The following CFAP74 variants were observed in gnomAD, a reference collection of about 807,000 sequenced individuals.
CFAP74 encodes the protein cilia- and flagella-associated protein 74.
Under a neutral mutation model 188.9 loss-of-function variants are expected in CFAP74, and 124 were observed. The observed-to-expected ratio is 0.66, with a 90% confidence interval of 0.57 to 0.76. The LOEUF (loss-of-function observed/expected upper bound fraction) is 0.76. CFAP74 is among the 30% of genes least tolerant of loss of function. The pLI is 0.00. For missense variants in CFAP74, 2,198 were observed against 2,165.2 expected, an observed-to-expected ratio of 1.02 and a Z score of -0.30; for synonymous variants, 956 against 916.7, an observed-to-expected ratio of 1.04 and a Z score of -0.77.
chr1:1,978,207 C>T (rs775878328), intron 6 of CFAP74, among the ~76,000 whole-genome samples: 1 of 152,190 alleles, frequency 6.6e-6, no homozygotes, highest in Admixed American at 6.5e-5. Context: ...CATTATGGCT[C>T]CAGTGAGGAG....
Position 1,968,967 on chromosome 1 carries a change from ACAGCGCC to A in CFAP74, c.1047-141_1047-135del, listed in dbSNP as rs1655685886. The A allele has an allele frequency of 4.5e-6, 2 of 444,164 alleles. No individual in the cohort carries two copies. Among genetic ancestry groups the A allele is most frequent in the African/African-American group, 2.5e-5 (1 of 39,290 alleles). The allele number at this position is 444,164 out of a possible 1,614,324, so 27.5% of individuals were successfully genotyped here. ...GTCCTGCCCAGCAGCCCCAGGTGAG[ACAGCGCC>A]TGGCGGCCCCTCCCTAGCTCCCTCC... On this transcript the variant is annotated intron_variant, in intron 10 of 38. Coordinates refer to ENST00000682832, the MANE Select transcript of CFAP74 (RefSeq NM_001304360.2). The surrounding 1 kb of genome is among the most constrained non-coding windows in gnomAD (Gnocchi z 4.3).
intron 18 of CFAP74, chr1:1,954,464 T>A (rs1298374422): frequency 6.5e-6 from 1 of 153,826 alleles, no homozygotes; most frequent in African/African-American, 2.4e-5. Flanking sequence ...TTGGTGGGAG[T>A]GTAAACTTGC....
chr1:1,982,229 G>A (rs1406356280), intron 6 of CFAP74, among the ~76,000 whole-genome samples: 3 of 147,362 alleles, frequency 2.0e-5, no homozygotes, highest in African/African-American at 5.0e-5. Context: ...GCGGGGACAC[G>A]CAGGACACCC....
chr1:1,970,928 T>C (rs1389250671), intron 9 of CFAP74, 112 bp from the exon 10 acceptor site: 2 of 1,314,746 alleles, frequency 1.5e-6, no homozygotes, highest in African/African-American at 1.5e-5. Context: ...TGCACACACG[T>C]GCACACACAC....
At chr1:1,939,047 C>T (rs766576037) in intron 24 of CFAP74, 59 bp from the exon 25 acceptor site, 63 of 1,495,996 alleles carry the variant, frequency 4.2e-5, no homozygotes, top group African/African-American at 1.1e-4. Flanking sequence ...GACACACGTG[C>T]GGCAGGGCCG....
intron 25 of CFAP74, among the ~76,000 whole-genome samples, chr1:1,933,703 G>T (rs946113842): frequency 2.0e-5 from 3 of 152,170 alleles, no homozygotes; most frequent in Admixed American, 6.5e-5. Flanking sequence ...TGGGGGTAAT[G>T]AATTTTATTA....
chr1:1,942,013 C>T lies in CFAP74; in HGVS notation c.2615+15G>A, dbSNP rs1408228831. On this transcript the variant is annotated intron_variant, in intron 22 of 38. Transcript: ENST00000682832. This position sits in a 1 kb window ranked among gnomAD's most constrained non-coding sequence, Gnocchi z 4.3. ...CCACGTCCTCCTGTCCCGGCCTTGG[C>T]GTCCTGGCACCTACCGCGGCAGGAA... 8 of 1,479,640 alleles carry T rather than the reference C, an allele frequency of 5.4e-6. No homozygotes were observed. The highest frequency in any genetic ancestry group is 2.6e-5 in the East Asian group (1 of 38,532). The allele number at this position is 1,479,640 out of a possible 1,614,324, so 91.7% of individuals were successfully genotyped here. A position where few individuals can be genotyped will look rare whatever the true frequency, so the allele number is the denominator to read the frequency against.
At chr1:1,999,266 C>T (rs1416379996) in intron 1 of CFAP74, among the ~76,000 whole-genome samples, 1 of 152,124 alleles carries the variant, frequency 6.6e-6, no homozygotes, top group East Asian at 1.9e-4. Context: ...CACGTACTAG[C>T]GCTATGCAGG....
chr1:1,927,501 G>A (rs1446077570), intron 28 of CFAP74, 106 bp downstream of exon 28: 1 of 1,098,042 alleles, frequency 9.1e-7, no homozygotes, highest in African/African-American at 1.6e-5. Context: ...CCAGCCACAT[G>A]GGTCATTCCG....
chr1:1,991,841 T>C (rs6605077), intron 1 of CFAP74, among the ~76,000 whole-genome samples: 124,809 of 151,626 alleles, frequency 0.82, 52,204 homozygotes, highest in East Asian at 0.9. Flanking sequence ...AGATCGAGAC[T>C]ATCCTGGCTA....
At chr1:1,982,666 C>T (rs970825706) in intron 6 of CFAP74, among the ~76,000 whole-genome samples, 1 of 152,230 alleles carries the variant, frequency 6.6e-6, no homozygotes, top group Non-Finnish European at 1.5e-5. Context: ...GGAAAGTCCA[C>T]GGGCAGTCCG....
In CFAP74 at chr1:1,955,089, C is replaced by CCGG. The variant is rs1558021556; in HGVS notation, c.2176+601_2176+602insCCG. 35 of 1,282,148 alleles carry CCGG rather than the reference C, an allele frequency of 2.7e-5. No individual in the cohort carries two copies. In the East Asian group the frequency reaches 5.0e-4, roughly 18 times the overall value. The allele number at this position is 1,282,148 out of a possible 1,614,324, so 79.4% of individuals were successfully genotyped here. On this transcript the variant is annotated intron_variant, in intron 18 of 38. Transcript: ENST00000682832. ...GCTCACACCGGAAGTGCGGCTCACA[C>CCGG]AGGCTGTGGAGAACCGGCCCAGCTC...
chr1:1,922,520 C>A (rs374220491), intron 38 of CFAP74, 69 bp downstream of exon 38: 31 of 1,580,262 alleles, frequency 2.0e-5, no homozygotes, highest in Non-Finnish European at 2.6e-5. Flanking sequence ...TGGGACTGGG[C>A]AGGGGTGTCA....
chr1:1,972,693 A>T (rs183411067), intron 8 of CFAP74, among the ~76,000 whole-genome samples: 3 of 152,242 alleles, frequency 2.0e-5, no homozygotes, highest in Admixed American at 2.0e-4. Flanking sequence ...TAAAAATACA[A>T]AAATTAGCCG....
chr1:1,923,566 T>C lies in CFAP74; in HGVS notation c.4390-67A>G. The stretch of plus-strand genomic sequence containing the variant: ...CGGCAGGGGTCCTGCTGGTGAGAGC[T>C]GGGCTGGCTCAGGGAAGGAAGCAGG... On this transcript the variant is annotated intron_variant, in intron 35 of 38. Transcript: ENST00000682832. This position sits in a 1 kb window ranked among gnomAD's most constrained non-coding sequence, Gnocchi z 6.3. The C allele has an allele frequency of 6.3e-7, 1 of 1,577,952 alleles. No homozygotes were observed. The highest frequency in any genetic ancestry group is 8.6e-7 in the Non-Finnish European group (1 of 1,160,014).
Position 1,973,918 on chromosome 1 carries a change from G to T in CFAP74, c.674+107C>A. ...GCAGGGAGGGGTGGAGGTGGATCTG[G>T]ACAGATGTGGAGGGCGAGGCTGAAT... On this transcript the variant is annotated intron_variant, in intron 7 of 38. Coordinates refer to ENST00000682832, the MANE Select transcript of CFAP74 (RefSeq NM_001304360.2). This position sits in a 1 kb window ranked among gnomAD's most constrained non-coding sequence, Gnocchi z 6.2. The T allele has an allele frequency of 1.8e-6, 2 of 1,122,418 alleles. No individual in the cohort carries two copies. Among genetic ancestry groups the T allele is most frequent in the Non-Finnish European group, 2.5e-6 (2 of 814,606 alleles). 69.5% of individuals were successfully genotyped at this position (1,122,418 alleles called of 1,614,324 possible).
intron 2 of CFAP74, among the ~76,000 whole-genome samples, chr1:1,989,247 GAA>G (rs1344641295): frequency 6.6e-6 from 1 of 152,176 alleles, no homozygotes; most frequent in Non-Finnish European, 1.5e-5. Context: ...GGTGTCCAGA[GAA>G]AGAGTTAAGC....
chr1:1,926,781 C>T lies in CFAP74; in HGVS notation c.3663-20G>A. 3 of 1,548,776 alleles carry T rather than the reference C, an allele frequency of 1.9e-6. No individual in the cohort carries two copies. The highest frequency in any genetic ancestry group is 2.6e-6 in the Non-Finnish European group (3 of 1,145,766). On this transcript the variant is annotated intron_variant, in intron 29 of 38. Coordinates refer to ENST00000682832, the MANE Select transcript of CFAP74 (RefSeq NM_001304360.2). Reference sequence around the variant, plus strand: ...TGGGGGCTGGGATAGGAAGGGCATGCTGAGGGCAGGGTGGGCGGCCCCCTG... The same window carrying T: ...TGGGGGCTGGGATAGGAAGGGCATGTTGAGGGCAGGGTGGGCGGCCCCCTG...
At chr1:1,988,822 A>ACCCCCCCCCCCCCCCC in intron 3 of CFAP74, 67 bp downstream of exon 3, 1 of 158,412 alleles carries the variant, frequency 6.3e-6, no homozygotes, top group Non-Finnish European at 1.1e-5. Context: ...CCCTTCACCC[A>ACCCCCCCCCCCCCCCC]CCCCCCCACC....
Sources: allele counts gnomAD v4.1 joint callset (sites outside exome capture counted in the v4.1 genomes callset), GRCh38; gene constraint gnomAD v4.1.1; non-coding constraint Gnocchi (gnomAD v3.1); transcripts MANE v1.5; gene names NCBI Gene and HGNC (gene_info 2026-07-23, HGNC 2026-07-21).